Variants in ATRNL1 observed in about 807,000 individuals in gnomAD.
The protein encoded by ATRNL1 is attractin-like protein 1.
In ATRNL1, 95 loss-of-function variants were observed where a neutral mutation model predicts 182.7. The observed-to-expected ratio is 0.52, with a 90% CI of 0.44 to 0.62. The LOEUF (loss-of-function observed/expected upper bound fraction) is 0.62. Ranked by LOEUF, ATRNL1 falls within the 20% of genes least tolerant of loss-of-function variation. The probability of loss-of-function intolerance (pLI) is 0.00; values close to 1 mark genes in which losing one functional copy is unlikely to be tolerated. For synonymous variants in ATRNL1, 576 were observed against 568.3 expected (o/e 1.01, Z -0.19); for missense variants, 1,471 against 1,679.5 (o/e 0.88, Z 2.17).
intron 26 of ATRNL1, among the ~76,000 whole-genome samples, chr10:115,688,494 A>G (rs1328331304): frequency 6.6e-6 from 1 of 152,056 alleles, no homozygotes; most frequent in Non-Finnish European, 1.5e-5. Context: ...TCTTTTTAGT[A>G]ATAGCCATTC....
At chr10:115,633,966 C>T (rs1858694348) in intron 26 of ATRNL1, among the ~76,000 whole-genome samples, 1 of 151,652 alleles carries the variant, frequency 6.6e-6, no homozygotes, top group Admixed American at 6.6e-5. Flanking sequence ...TGTTTTATAC[C>T]CTCAAGTGGA....
At chr10:115,333,637 A>G (rs1329042450) in intron 18 of ATRNL1, among the ~76,000 whole-genome samples, 1 of 151,960 alleles carries the variant, frequency 6.6e-6, no homozygotes, top group East Asian at 1.9e-4. Flanking sequence ...GGCATGCACC[A>G]CCATGCCCAG....
intron 1 of ATRNL1, among the ~76,000 whole-genome samples, chr10:115,103,027 A>C (rs1554864982): frequency 7.1e-6 from 1 of 140,736 alleles, no homozygotes; most frequent in African/African-American, 2.6e-5. Flanking sequence ...GATTCTGTGT[A>C]TATATTTTTA....
chr10:115,485,332 G>A (rs1330806014), intron 24 of ATRNL1, among the ~76,000 whole-genome samples: 3 of 151,610 alleles, frequency 2.0e-5, no homozygotes, highest in Admixed American at 6.6e-5. Flanking sequence ...TTCCATTTAA[G>A]CTACTTTTTT....
chr10:115,617,069 A>G (rs1441606479), intron 26 of ATRNL1, among the ~76,000 whole-genome samples: 2 of 152,202 alleles, frequency 1.3e-5, no homozygotes, highest in Admixed American at 1.3e-4. Flanking sequence ...CAAACACTCA[A>G]CAGAAGTCCA....
At chr10:115,345,045 C>T (rs6585326) in intron 19 of ATRNL1, among the ~76,000 whole-genome samples, 2,827 of 152,284 alleles carry the variant, frequency 0.019, 103 homozygotes, top group African/African-American at 0.065. Flanking sequence ...TTTGGAACCA[C>T]GATTTGTGCA....
chr10:115,532,379 C>T (rs1264949573), intron 25 of ATRNL1, among the ~76,000 whole-genome samples: 1 of 152,092 alleles, frequency 6.6e-6, no homozygotes. Context: ...GTATTTTATT[C>T]TCTTTGAAGT....
intron 28 of ATRNL1, among the ~76,000 whole-genome samples, chr10:115,881,469 C>T (rs1423697771): frequency 6.6e-6 from 1 of 152,178 alleles, no homozygotes; most frequent in Non-Finnish European, 1.5e-5. Flanking sequence ...ATAGCTTTCA[C>T]CCACAAAGCT....
intron 26 of ATRNL1, among the ~76,000 whole-genome samples, chr10:115,603,345 T>G (rs565287429): frequency 1.3e-5 from 2 of 152,016 alleles, no homozygotes; most frequent in African/African-American, 2.4e-5. Context: ...TACCAAGGGA[T>G]TTAGGGGCTT....
chr10:115,631,319 T>C (rs73377513), intron 26 of ATRNL1, among the ~76,000 whole-genome samples: 5,069 of 152,134 alleles, frequency 0.033, 268 homozygotes, highest in African/African-American at 0.11. Flanking sequence ...AAATATATTG[T>C]ATACCTTAAA....
In ATRNL1 at chr10:115,240,675, C is replaced by T. The variant is rs373542471; in HGVS notation, c.1533-896C>T. On this transcript the variant is annotated intron_variant, in intron 9 of 28. Coordinates refer to ENST00000355044, the MANE Select transcript of ATRNL1 (RefSeq NM_207303.4). Reference sequence around the variant, plus strand: ...ATGTTTATGTATATAATAATTCTAACTTCTAATTGTTTGTATCAGGGCTTT... The same window carrying T: ...ATGTTTATGTATATAATAATTCTAATTTCTAATTGTTTGTATCAGGGCTTT... Among the ~76,000 whole-genome samples the T allele has an allele frequency of 6.8e-4, 103 of 152,054 alleles. 2 individuals carry two copies. In the South Asian group the frequency reaches 0.021, roughly 31 times the overall value.
intron 13 of ATRNL1, among the ~76,000 whole-genome samples, chr10:115,272,163 G>T (rs938466003): frequency 6.6e-6 from 1 of 152,174 alleles, no homozygotes; most frequent in Non-Finnish European, 1.5e-5. Context: ...AAAGCTTGCA[G>T]AACTGTGAAC....
chr10:115,756,573 T>C (rs1250788199), intron 27 of ATRNL1, among the ~76,000 whole-genome samples: 2 of 152,202 alleles, frequency 1.3e-5, no homozygotes, highest in Non-Finnish European at 2.9e-5. Context: ...AGGAGTGTTT[T>C]CCTTCCAATT....
chr10:115,316,893 T>G (rs567581007), intron 18 of ATRNL1, among the ~76,000 whole-genome samples: 2 of 152,364 alleles, frequency 1.3e-5, no homozygotes, highest in East Asian at 1.9e-4. Context: ...AAGTTTCTTT[T>G]GCTGTGCAGA....
chr10:115,245,329 T>C (rs1323247867), intron 10 of ATRNL1, among the ~76,000 whole-genome samples: 1 of 151,518 alleles, frequency 6.6e-6, no homozygotes, highest in African/African-American at 2.4e-5. Flanking sequence ...AGAAACCCCG[T>C]CTCTACTAAA....
chr10:115,138,804 T>C (rs1017572972), intron 5 of ATRNL1, among the ~76,000 whole-genome samples: 9 of 152,238 alleles, frequency 5.9e-5, no homozygotes, highest in Admixed American at 3.9e-4. Context: ...TCATTACTTA[T>C]GCAAATTTAT....
intron 26 of ATRNL1, among the ~76,000 whole-genome samples, chr10:115,600,926 TTTC>T: frequency 1.5e-5 from 1 of 64,882 alleles, no homozygotes; most frequent in Non-Finnish European, 3.0e-5. Flanking sequence ...GGTTTTTTAT[TTTC>T]TTTTTTTTTT....
At chr10:115,582,559 C>G (rs61882968) in intron 26 of ATRNL1, among the ~76,000 whole-genome samples, 18,120 of 82,750 alleles carry the variant, frequency 0.22, 2,984 homozygotes, top group East Asian at 0.64. Context: ...AGAAGTGTCT[C>G]TTCATGTCCT....
chr10:115,819,278 T>C (rs1589551595), intron 27 of ATRNL1, among the ~76,000 whole-genome samples: 1 of 152,118 alleles, frequency 6.6e-6, no homozygotes, highest in Non-Finnish European at 1.5e-5. Flanking sequence ...ATTGAACTCA[T>C]TAACTTTAAT....
Sources: gnomAD v4.1 joint callset for allele counts (sites outside exome capture counted in the v4.1 genomes callset) on GRCh38, gnomAD v4.1.1 for gene constraint, MANE v1.5 for transcripts, NCBI Gene and HGNC (gene_info 2026-07-23, HGNC 2026-07-21) for gene names.